The following ZNF197 variants were observed in gnomAD, a reference collection of about 807,000 sequenced individuals.
ZNF197 encodes the protein VHL-associated KRAB-A domain-containing protein.
Under a neutral mutation model 27.4 loss-of-function variants are expected in ZNF197, and 14 were observed. The observed-to-expected ratio is 0.51, with a 90% CI of 0.34 to 0.80. The LOEUF (loss-of-function observed/expected upper bound fraction) is 0.80. ZNF197 is among the 30% of genes least tolerant of loss of function. ZNF197 has a pLI of 0.02. For missense variants in ZNF197, 1,090 were observed against 1,222.6 expected (o/e 0.89, Z 1.62); for synonymous variants, 415 against 420.0 (o/e 0.99, Z 0.15).
intron 2 of ZNF197, 23 bp downstream of exon 2, chr3:44,629,567 G>A (rs375026928): frequency 5.9e-6 from 9 of 1,532,152 alleles, no homozygotes; most frequent in Non-Finnish European, 7.9e-6. Context: ...GGGAGGGGCG[G>A]TGGGTGTTGG....
At position 44,646,676 on chromosome 3, in the gene ZNF197, T is replaced by C; in HGVS notation, c.*2456T>C. ...GTCTGCTGTGAGTTTATTATACCAT[T>C]CTCTGCTTTTGTGTATGTATGAAAA... On this transcript the variant is annotated 3_prime_UTR_variant, in exon 6 of 6. Coordinates refer to ENST00000344387, the MANE Select transcript of ZNF197 (RefSeq NM_006991.5). 1.7e-6 allele frequency: 1 copy of C among 596,226 alleles called. No homozygotes were observed. The highest frequency in any genetic ancestry group is 3.0e-6 in the Non-Finnish European group (1 of 331,072). The allele number at this position is 596,226 out of a possible 1,614,324, so 36.9% of individuals were successfully genotyped here. A position where few individuals can be genotyped will look rare whatever the true frequency, so the allele number is the denominator to read the frequency against.
At chr3:44,641,797 T>C (rs1702617069) in intron 5 of ZNF197, 103 bp from the exon 6 acceptor site, 1 of 1,332,052 alleles carries the variant, frequency 7.5e-7, no homozygotes, top group Non-Finnish European at 1.0e-6. Context: ...TTTGTATGCA[T>C]ATTAAAGTGT....
Position 44,646,669 on chromosome 3 carries a change from A to T in ZNF197, c.*2449A>T, listed in dbSNP as rs1190678280. 1.6e-6 allele frequency: 1 copy of T among 615,390 alleles called. No individual in the cohort carries two copies. Among genetic ancestry groups the T allele is most frequent in the African/African-American group, 1.9e-5 (1 of 53,730 alleles). The allele number at this position is 615,390 out of a possible 1,614,324, so 38.1% of individuals were successfully genotyped here. ...GTCTTGAGTCTGCTGTGAGTTTATT[A>T]TACCATTCTCTGCTTTTGTGTATGT... is the stretch of plus-strand genomic sequence containing the variant. On this transcript the variant is annotated 3_prime_UTR_variant, in exon 6 of 6. Transcript: ENST00000344387.
chr3:44,643,527 C>T lies in ZNF197; in HGVS notation c.2397C>T (p.Phe799=). The part of the protein sequence containing the change: ...PYECDECGKC[F]ILKKSLIGHQ... The stretch of plus-strand genomic sequence containing the variant: ...AGTGTGATGAGTGTGGCAAATGCTT[C>T]ATTCTGAAGAAAAGCCTCATTGGAC... Residue 799 remains phenylalanine (F), a synonymous_variant, in exon 6 of 6, where the codon TTC becomes TTT. Coordinates refer to ENST00000344387, the MANE Select transcript of ZNF197 (RefSeq NM_006991.5). 1 of 1,614,062 alleles carries T rather than the reference C, an allele frequency of 6.2e-7. No homozygotes were observed. The highest frequency in any genetic ancestry group is 8.5e-7 in the Non-Finnish European group (1 of 1,179,994).
At position 44,646,339 on chromosome 3, in the gene ZNF197, T is replaced by G. The variant is rs1411857781; in HGVS notation, c.*2119T>G. 1.4e-6 allele frequency: 2 copies of G among 1,477,246 alleles called. No individual in the cohort carries two copies. The highest frequency in any genetic ancestry group is 2.8e-5 in the African/African-American group (2 of 70,574). The allele number at this position is 1,477,246 out of a possible 1,614,324, so 91.5% of individuals were successfully genotyped here. On this transcript the variant is annotated 3_prime_UTR_variant, in exon 6 of 6. Transcript: ENST00000344387. ...ACAAAGGACATATGTACTTTAACAATGGAGAATGCTGTGATTTACCTCTTC... is the reference window on the plus strand; with the variant it reads ...ACAAAGGACATATGTACTTTAACAAGGGAGAATGCTGTGATTTACCTCTTC...
At chr3:44,636,954 T>C (rs1702329141) in intron 5 of ZNF197, among the ~76,000 whole-genome samples, 1 of 152,190 alleles carries the variant, frequency 6.6e-6, no homozygotes, top group Non-Finnish European at 1.5e-5. Flanking sequence ...TACCTGATGG[T>C]TAATGATGTC....
At chr3:44,635,168 T>TAAAAA (rs35139527) in intron 5 of ZNF197, among the ~76,000 whole-genome samples, 21 of 129,564 alleles carry the variant, frequency 1.6e-4, no homozygotes, top group South Asian at 5.1e-4. Flanking sequence ...AGAGTTAAAC[T>TAAAAA]AAAAAAAAAA....
At chr3:44,634,938 C>T (rs989506595) in intron 5 of ZNF197, among the ~76,000 whole-genome samples, 2 of 152,084 alleles carry the variant, frequency 1.3e-5, no homozygotes. Context: ...CCTCCCACCC[C>T]AGCCTCCCAA....
intron 5 of ZNF197, among the ~76,000 whole-genome samples, 166 bp from the exon 6 acceptor site, chr3:44,641,734 T>A (rs970537478): frequency 2.6e-5 from 4 of 152,260 alleles, no homozygotes; most frequent in African/African-American, 9.6e-5. Flanking sequence ...TTACAACATC[T>A]TGTCAGTGTA....
chr3:44,636,899 C>T (rs1559469067), intron 5 of ZNF197, among the ~76,000 whole-genome samples: 1 of 152,100 alleles, frequency 6.6e-6, no homozygotes, highest in African/African-American at 2.4e-5. Context: ...TTTAACTATC[C>T]TAGTGGGTCT....
Position 44,646,512 on chromosome 3 carries a change from A to G in ZNF197, c.*2292A>G. ...CCAGGTTACAGGAAATACAGGAGGC[A>G]GAGGAACAAATAAAAGACACCACGA... On this transcript the variant is annotated 3_prime_UTR_variant, in exon 6 of 6. Transcript: ENST00000344387. The G allele has an allele frequency of 1.3e-6, 2 of 1,544,216 alleles. No homozygotes were observed. The highest frequency in any genetic ancestry group is 1.8e-6 in the Non-Finnish European group (2 of 1,116,358).
At chr3:44,626,381 C>T (rs1189377196) in intron 1 of ZNF197, among the ~76,000 whole-genome samples, 1 of 151,666 alleles carries the variant, frequency 6.6e-6, no homozygotes, top group Non-Finnish European at 1.5e-5. Flanking sequence ...AATTGTGGTA[C>T]AGTACCCAGA....
chr3:44,634,007 TCTGTAGATTTTATA>T (rs1412002467), intron 5 of ZNF197, among the ~76,000 whole-genome samples: 1 of 152,214 alleles, frequency 6.6e-6, no homozygotes, highest in African/African-American at 2.4e-5. Context: ...GGTGAAACAG[TCTGTAGATTTTATA>T]CTTTGATACA....
At position 44,629,352 on chromosome 3, in the gene ZNF197, C is replaced by G; in HGVS notation, c.198C>G (p.Leu66=). 6.2e-7 allele frequency: 1 copy of G among 1,614,132 alleles called. No individual in the cohort carries two copies. The highest frequency in any genetic ancestry group is 8.5e-7 in the Non-Finnish European group (1 of 1,180,020). The change falls in exon 2 of 6, where the codon CTC becomes CTG. Residue 66 remains leucine, a synonymous_variant. Coordinates refer to ENST00000344387, the MANE Select transcript of ZNF197 (RefSeq NM_006991.5). The stretch of plus-strand genomic sequence containing the variant: ...AAGCCCTGAGCCGGCTCAGGGAACT[C>G]TGTCGCCGGTGGCTGAGACCAGAAG... ...PQEALSRLRE[L]CRRWLRPEAR...
rs775947229 is a variant in ZNF197, at chr3:44,642,382, C to T, written c.1252C>T (p.Arg418Trp). 1.9e-5 allele frequency: 31 copies of T among 1,613,944 alleles called. No individual in the cohort carries two copies. Among genetic ancestry groups the T allele is most frequent in the African/African-American group, 2.7e-5 (2 of 74,896 alleles). ...GCGTTCGAGCCTTCTAATGCATTTA[C>T]GGAACCATTCAGGGGAGAAACCTTA... is the stretch of plus-strand genomic sequence containing the variant. ...IQRSSLLMHL[R>W]NHSGEKPYKC... is the part of the protein sequence containing the mutation. The change falls in exon 6 of 6, where the codon CGG becomes TGG. Residue 418 changes from arginine (R) to tryptophan (W), a missense_variant. Transcript: ENST00000344387.
intron 5 of ZNF197, among the ~76,000 whole-genome samples, chr3:44,638,919 C>T (rs1404656253): frequency 6.6e-6 from 1 of 152,124 alleles, no homozygotes. Flanking sequence ...TCACCATGTT[C>T]CCCAAGCTGG....
rs763733404 is a variant in ZNF197 at position 44,647,266 on chromosome 3, T to G, written c.*3046T>G. On this transcript the variant is annotated 3_prime_UTR_variant, in exon 6 of 6. Coordinates refer to ENST00000344387, the MANE Select transcript of ZNF197 (RefSeq NM_006991.5). ...AAATGCAGAGTAAAATCGTGAGATA[T>G]CACCTATCAGAATAGCTTAACTTTT... 1 of 151,380 alleles carries G rather than the reference T, an allele frequency of 6.6e-6. No individual in the cohort carries two copies. Among genetic ancestry groups the G allele is most frequent in the Non-Finnish European group, 1.5e-5 (1 of 67,898 alleles). 9.4% of individuals were successfully genotyped at this position (151,380 alleles called of 1,614,324 possible). A position where few individuals can be genotyped will look rare whatever the true frequency, so the allele number is the denominator to read the frequency against.
chr3:44,625,549 T>TTTTG (rs925007929), intron 1 of ZNF197, among the ~76,000 whole-genome samples: 2 of 151,928 alleles, frequency 1.3e-5, no homozygotes, highest in Admixed American at 6.6e-5. Flanking sequence ...GGACGGATTT[T>TTTTG]TTTGTTTGTT....
Position 44,643,022 on chromosome 3 carries a change from T to C in ZNF197, c.1892T>C (p.Phe631Ser). 1 of 1,614,110 alleles carries C rather than the reference T, an allele frequency of 6.2e-7. No homozygotes were observed. The highest frequency in any genetic ancestry group is 1.1e-5 in the South Asian group (1 of 91,078). The change falls in exon 6 of 6, where the codon TTT becomes TCT. Residue 631 changes from phenylalanine (F) to serine (S), a missense_variant. Transcript: ENST00000344387. Reference sequence around the variant, plus strand: ...AAATGCACTGAATGTGGGAAAGCCTTTACTCAAAGTGCTTACCTTTTTGAC... The same window carrying C: ...AAATGCACTGAATGTGGGAAAGCCTCTACTCAAAGTGCTTACCTTTTTGAC... Reference protein sequence around the residue: ...PYKCTECGKAFTQSAYLFDHQ... With the variant: ...PYKCTECGKASTQSAYLFDHQ...
Sources: allele counts gnomAD v4.1 joint callset (sites outside exome capture counted in the v4.1 genomes callset), GRCh38; gene constraint gnomAD v4.1.1; transcripts MANE v1.5; gene names NCBI Gene and HGNC (gene_info 2026-07-23, HGNC 2026-07-21).